The following RMI1 variants were observed in gnomAD, a reference collection of about 807,000 sequenced individuals.
RMI1 encodes the protein recQ-mediated genome instability protein 1.
Under a neutral mutation model 46.7 loss-of-function variants are expected in RMI1, and 36 were observed. The ratio of observed to expected loss-of-function variants is 0.77; its 90% CI spans 0.59 to 1.02. RMI1 has a LOEUF of 1.02. RMI1 is among the 50% of genes least tolerant of loss of function. The pLI is 0.00. For synonymous variants in RMI1, 250 were observed against 252.9 expected (o/e 0.99, Z 0.11); for missense variants, 676 against 713.7 (o/e 0.95, Z 0.60).
intron 1 of RMI1, among the ~76,000 whole-genome samples, chr9:83,995,321 A>T (rs1195403616): frequency 1.3e-5 from 2 of 148,696 alleles, no homozygotes; most frequent in East Asian, 4.1e-4. Flanking sequence ...TTTAAAAAAC[A>T]TTTCCTTCAC....
Position 84,002,743 on chromosome 9 carries a change from T to C in RMI1, c.1757T>C (p.Ile586Thr), listed in dbSNP as rs750200110. The C allele has an allele frequency of 4.3e-6, 7 of 1,613,894 alleles. No individual in the cohort carries two copies. The highest frequency in any genetic ancestry group is 2.2e-5 in the East Asian group (1 of 44,816). Residue 586 changes from isoleucine to threonine, a missense_variant, in exon 3 of 3, where the codon ATA (isoleucine) becomes ACA (threonine). Ile to Thr is a moderately conservative substitution (Grantham distance 89, BLOSUM62 -1). Coordinates refer to ENST00000445877, the MANE Select transcript of RMI1 (RefSeq NM_001358291.2). The part of the protein sequence containing the change: ...EGLQKCQRDL[I>T]DLCCLMTISF... ...TTGCAGAAATGTCAAAGAGATCTAA[T>C]AGATTTGTGCTGTCTAATGACTATT... is the stretch of plus-strand genomic sequence containing the variant.
At chr9:83,987,857 G>GAACGGA (rs1957515488) in intron 1 of RMI1, among the ~76,000 whole-genome samples, 1 of 150,838 alleles carries the variant, frequency 6.6e-6, no homozygotes, top group Non-Finnish European at 1.5e-5. Context: ...ATCACAGTTT[G>GAACGGA]TTTATCCGTT....
intron 1 of RMI1, among the ~76,000 whole-genome samples, chr9:83,997,047 C>T (rs757348972): frequency 4.4e-5 from 6 of 137,120 alleles, no homozygotes; most frequent in African/African-American, 1.6e-4. Context: ...TTCCCCCCCC[C>T]TTTTTTTTTT....
intron 1 of RMI1, among the ~76,000 whole-genome samples, chr9:83,982,023 G>A (rs1588453717): frequency 6.6e-6 from 1 of 152,146 alleles, no homozygotes; most frequent in Non-Finnish European, 1.5e-5. Context: ...TTTTTTAAAT[G>A]GTCCCCACCA....
chr9:84,000,080 T>A (rs1337382495), intron 2 of RMI1, among the ~76,000 whole-genome samples: 1 of 152,208 alleles, frequency 6.6e-6, no homozygotes, highest in African/African-American at 2.4e-5. Context: ...CATATTCAAG[T>A]ACTAAATGGA....
chr9:84,001,673 T>G lies in RMI1; in HGVS notation c.687T>G (p.Ile229Met), dbSNP rs1434838765. 2 of 1,613,826 alleles carry G rather than the reference T, an allele frequency of 1.2e-6. No individual in the cohort carries two copies. The highest frequency in any genetic ancestry group is 1.7e-6 in the Non-Finnish European group (2 of 1,179,968). The change falls in exon 3 of 3, where the codon ATT (isoleucine) becomes ATG (methionine). Residue 229 changes from isoleucine (I) to methionine (M), a missense_variant. By Grantham distance (10) the Ile-to-Met change is conservative (BLOSUM62 1). Transcript: ENST00000445877. Reference sequence around the variant, plus strand: ...TACCAAACAATTCTAACGAAAACATTCCCAGAGTTACAGATGTTCTAGATC... The same window carrying G: ...TACCAAACAATTCTAACGAAAACATGCCCAGAGTTACAGATGTTCTAGATC... ...SVIPNNSNENIPRVTDVLDPA... is the reference protein window; with the variant it reads ...SVIPNNSNENMPRVTDVLDPA...
chr9:83,990,289 G>A (rs1957551034), intron 1 of RMI1, among the ~76,000 whole-genome samples: 1 of 152,108 alleles, frequency 6.6e-6, no homozygotes, highest in African/African-American at 2.4e-5. Context: ...TGAGGTGGGC[G>A]GATCACGAGG....
chr9:84,002,589 T>A lies in RMI1; in HGVS notation c.1603T>A (p.Ser535Thr). Reference sequence around the variant, plus strand: ...TATTTGGAGTATAACTGCAAAGGTGTCTGATGGTACTGCATATCTAGATGT... The same window carrying A: ...TATTTGGAGTATAACTGCAAAGGTGACTGATGGTACTGCATATCTAGATGT... ...GGIWSITAKV[S>T]DGTAYLDVDF... Residue 535 changes from serine (S) to threonine (T), a missense_variant, in exon 3 of 3, where the codon TCT becomes ACT. Coordinates refer to ENST00000445877, the MANE Select transcript of RMI1 (RefSeq NM_001358291.2). The A allele has an allele frequency of 6.2e-7, 1 of 1,613,984 alleles. No homozygotes were observed. The highest frequency in any genetic ancestry group is 8.5e-7 in the Non-Finnish European group (1 of 1,179,920).
intron 1 of RMI1, among the ~76,000 whole-genome samples, chr9:83,991,365 G>T (rs373842742): frequency 2.5e-3 from 373 of 151,506 alleles, no homozygotes; most frequent in African/African-American, 5.7e-3. Context: ...GTCCAGGGTA[G>T]GGTGCAGTGG....
intron 1 of RMI1, among the ~76,000 whole-genome samples, chr9:83,991,043 G>C (rs1436892551): frequency 6.6e-6 from 1 of 152,126 alleles, no homozygotes; most frequent in Non-Finnish European, 1.5e-5. Flanking sequence ...CCGACCTCAG[G>C]TGATCCACCC....
At chr9:83,990,858 A>G (rs910218389) in intron 1 of RMI1, among the ~76,000 whole-genome samples, 5 of 151,304 alleles carry the variant, frequency 3.3e-5, no homozygotes, top group Admixed American at 3.3e-4. Context: ...CCCAGGCTGG[A>G]GTGCAATGGT....
chr9:83,993,401 C>T (rs1957602385), intron 1 of RMI1, among the ~76,000 whole-genome samples: 1 of 152,166 alleles, frequency 6.6e-6, no homozygotes, highest in South Asian at 2.1e-4. Flanking sequence ...TATCAGTGGA[C>T]ATTTCGATTG....
chr9:83,999,384 G>C (rs1330394968), intron 1 of RMI1, among the ~76,000 whole-genome samples: 2 of 151,982 alleles, frequency 1.3e-5, no homozygotes, highest in Non-Finnish European at 2.9e-5. Flanking sequence ...TTACAAATCA[G>C]ATAAGGATAA....
chr9:83,992,218 ACT>A (rs1307786615), intron 1 of RMI1, among the ~76,000 whole-genome samples: 2 of 152,212 alleles, frequency 1.3e-5, no homozygotes, highest in Admixed American at 6.5e-5. Context: ...TATAAAATAC[ACT>A]GTTTTGTCCG....
At chr9:83,982,385 C>T (rs549077204) in intron 1 of RMI1, among the ~76,000 whole-genome samples, 33 of 152,208 alleles carry the variant, frequency 2.2e-4, no homozygotes, top group African/African-American at 7.0e-4. Flanking sequence ...CTCTTCCGGC[C>T]GGGCACGGTG....
intron 1 of RMI1, among the ~76,000 whole-genome samples, chr9:83,982,785 AT>A (rs961590543): frequency 1.3e-5 from 2 of 151,546 alleles, no homozygotes; most frequent in African/African-American, 4.8e-5. Flanking sequence ...GATGGTTGCT[AT>A]TTTTCCCCCC....
chr9:83,983,087 A>G lies in RMI1; in HGVS notation c.-126+2196A>G, dbSNP rs1957443538. 2.0e-5 allele frequency among the ~76,000 whole-genome samples: 3 copies of G among 152,222 alleles called. No individual in the cohort carries two copies. The South Asian group carries it at 6.2e-4, about 31-fold the overall frequency. ...TGGGCTAATATAATTGAGAATGTAC[A>G]CTATCCAGCTGCATTATTGTTTAAA... On this transcript the variant is annotated intron_variant, in intron 1 of 2. Coordinates refer to ENST00000445877, the MANE Select transcript of RMI1 (RefSeq NM_001358291.2).
chr9:83,988,939 C>T (rs1362556656), intron 1 of RMI1, among the ~76,000 whole-genome samples: 1 of 152,100 alleles, frequency 6.6e-6, no homozygotes, highest in African/African-American at 2.4e-5. Context: ...TCACTGCTGC[C>T]TTGACCTCCC....
rs1426102479 is a variant in RMI1 at position 84,002,493 on chromosome 9, A to G, written c.1507A>G (p.Lys503Glu). The part of the protein sequence containing the change: ...YLSVLMASKP[K>E]EVTTVKVKAF... ...GTCTGTTCTAATGGCCAGCAAACCAAAGGAAGTTACAACAGTGAAAGTGAA... is the reference window on the plus strand; with the variant it reads ...GTCTGTTCTAATGGCCAGCAAACCAGAGGAAGTTACAACAGTGAAAGTGAA... Residue 503 changes from lysine (K) to glutamate (E), a missense_variant, in exon 3 of 3, where the codon AAG (lysine) becomes GAG (glutamate). Coordinates refer to ENST00000445877, the MANE Select transcript of RMI1 (RefSeq NM_001358291.2). 1.2e-6 allele frequency: 2 copies of G among 1,613,874 alleles called. No homozygotes were observed. Among genetic ancestry groups the G allele is most frequent in the Non-Finnish European group, 1.7e-6 (2 of 1,179,952 alleles).
Sources: allele counts gnomAD v4.1 joint callset (sites outside exome capture counted in the v4.1 genomes callset), GRCh38; gene constraint gnomAD v4.1.1; transcripts MANE v1.5; gene names NCBI Gene and HGNC (gene_info 2026-07-23, HGNC 2026-07-21).